EXOC4: variants seen among roughly 807,000 people sequenced by gnomAD.
EXOC4 encodes the protein exocyst complex component 4.
A neutral mutation model predicts 107.2 loss-of-function variants in EXOC4; 71 were observed. The ratio of observed to expected loss-of-function variants is 0.66; its 90% CI spans 0.55 to 0.81. The LOEUF is 0.81. Among genes scored for constraint, EXOC4 ranks in the 30% least tolerant of loss-of-function variants. EXOC4 has a pLI of 0.00. For missense variants in EXOC4, 1,108 were observed against 1,189.6 expected (o/e 0.93, Z 1.01); for synonymous variants, 456 against 441.2 (o/e 1.03, Z -0.42).
chr7:133,447,455 A>G (rs1798245359), intron 7 of EXOC4: 1 of 152,130 alleles, frequency 6.6e-6, no homozygotes, highest in African/African-American at 2.4e-5. Context: ...GAAAATACAG[A>G]AAAATGAAAG....
chr7:133,302,593 G>A (rs1794664253), intron 3 of EXOC4, among the ~76,000 whole-genome samples: 1 of 152,208 alleles, frequency 6.6e-6, no homozygotes, highest in Admixed American at 6.5e-5. Flanking sequence ...TGTTTGATTT[G>A]TGAATAGGGG....
chr7:133,889,175 G>A (rs990438888), intron 11 of EXOC4, among the ~76,000 whole-genome samples: 2 of 152,110 alleles, frequency 1.3e-5, no homozygotes, highest in African/African-American at 4.8e-5. Context: ...AAGCCTTGGA[G>A]TGATAAATCA....
Position 133,275,181 on chromosome 7 carries a change from C to T in EXOC4, c.276+10C>T, listed in dbSNP as rs569098389. The T allele has an allele frequency of 6.3e-7, 1 of 1,576,994 alleles. No homozygotes were observed. Among genetic ancestry groups the T allele is most frequent in the Admixed American group, 1.8e-5 (1 of 57,008 alleles). ...AAATAAAATAAAGCAGGTATTCCTCCTTTCTGGTCTGATGGTGGCAGCACT... is the reference window on the plus strand; with the variant it reads ...AAATAAAATAAAGCAGGTATTCCTCTTTTCTGGTCTGATGGTGGCAGCACT... On this transcript the variant is annotated intron_variant, in intron 2 of 17. Transcript: ENST00000253861.
intron 10 of EXOC4, among the ~76,000 whole-genome samples, chr7:133,714,130 A>T (rs1382762643): frequency 1.3e-5 from 2 of 151,974 alleles, no homozygotes; most frequent in Non-Finnish European, 1.5e-5. Context: ...GTTGGGAGAG[A>T]GTTTTTTCTG....
At chr7:133,887,264 T>C (rs927027113) in intron 11 of EXOC4, among the ~76,000 whole-genome samples, 1 of 152,214 alleles carries the variant, frequency 6.6e-6, no homozygotes, top group Non-Finnish European at 1.5e-5. Flanking sequence ...ATGCAAGGTG[T>C]CTGTGTCTAA....
chr7:133,344,992 A>T (rs1192066466), intron 5 of EXOC4, among the ~76,000 whole-genome samples: 1 of 152,118 alleles, frequency 6.6e-6, no homozygotes, highest in Non-Finnish European at 1.5e-5. Flanking sequence ...TCCCGAGGAC[A>T]TGGTTTTTGT....
chr7:133,330,796 G>C (rs919091053), intron 5 of EXOC4, among the ~76,000 whole-genome samples: 2 of 152,040 alleles, frequency 1.3e-5, no homozygotes, highest in Non-Finnish European at 2.9e-5. Flanking sequence ...TGTCCAACCA[G>C]TCCCAGTGAG....
intron 10 of EXOC4, among the ~76,000 whole-genome samples, chr7:133,649,130 C>T (rs1352461633): frequency 6.6e-6 from 1 of 152,144 alleles, no homozygotes; most frequent in Non-Finnish European, 1.5e-5. Context: ...AGTGCCCCCT[C>T]CTCTTTTAAA....
intron 8 of EXOC4, among the ~76,000 whole-genome samples, chr7:133,477,399 A>G (rs1209662318): frequency 1.3e-5 from 2 of 152,204 alleles, no homozygotes; most frequent in Admixed American, 6.5e-5. Context: ...TTGTATAGTC[A>G]GAATCAGTGT....
At chr7:133,947,578 A>G (rs1225019474) in intron 14 of EXOC4, among the ~76,000 whole-genome samples, 1 of 152,174 alleles carries the variant, frequency 6.6e-6, no homozygotes, top group African/African-American at 2.4e-5. Flanking sequence ...AAACCCAACC[A>G]CAATTCCCTC....
chr7:133,323,105 T>A (rs1244318258), intron 5 of EXOC4, among the ~76,000 whole-genome samples: 3 of 152,118 alleles, frequency 2.0e-5, no homozygotes, highest in African/African-American at 7.3e-5. Flanking sequence ...CTTAAGGAGA[T>A]CTTGGGCTGA....
rs1554477961 is a variant in EXOC4, at chr7:133,604,706, C to CTTTTTTTTTTTTTT, written c.1418-25336_1418-25335insTTTTTTTTTTTTTT. Among the ~76,000 whole-genome samples the CTTTTTTTTTTTTTT allele has an allele frequency of 5.2e-3, 457 of 87,422 alleles. 67 individuals are homozygous for CTTTTTTTTTTTTTT. The highest frequency in any genetic ancestry group is 0.014 in the Middle Eastern group (2 of 138). 57.4% of individuals were successfully genotyped at this position (87,422 alleles called of 152,430 possible). ...TTTTTCTTTCCTTCCTTCCTTCCTTCTTTCTTTTTTTTTTTTTTTTTTTTT... is the reference window on the plus strand; with the variant it reads ...TTTTTCTTTCCTTCCTTCCTTCCTTCTTTTTTTTTTTTTTTTTCTTTTTTTTTTTTTTTTTTTTT... On this transcript the variant is annotated intron_variant, in intron 9 of 17. Coordinates refer to ENST00000253861, the MANE Select transcript of EXOC4 (RefSeq NM_021807.4).
downstream of EXOC4, among the ~76,000 whole-genome samples, chr7:134,069,174 G>A (rs907813596): frequency 2.0e-5 from 3 of 151,956 alleles, no homozygotes; most frequent in Non-Finnish European, 4.4e-5. Flanking sequence ...TGCCCCACTA[G>A]CTAGCACACC....
the EXOC4 span, among the ~76,000 whole-genome samples, chr7:134,071,787 A>G: frequency 1.3e-5 from 2 of 152,150 alleles, no homozygotes; most frequent in African/African-American, 4.8e-5. Context: ...GATGGAGTCA[A>G]CTATGCTAGA....
intron 11 of EXOC4, among the ~76,000 whole-genome samples, chr7:133,883,394 C>G (rs1799007843): frequency 6.8e-6 from 1 of 147,160 alleles, no homozygotes; most frequent in African/African-American, 2.5e-5. Context: ...GTAATACCAG[C>G]ATTTTGGGAG....
chr7:134,022,201 T>C (rs554235552), intron 17 of EXOC4, among the ~76,000 whole-genome samples: 1 of 152,264 alleles, frequency 6.6e-6, no homozygotes, highest in African/African-American at 2.4e-5. Context: ...TTTTGTTAAC[T>C]TTAATTATAC....
At chr7:133,541,320 A>T (rs1329873927) in intron 9 of EXOC4, among the ~76,000 whole-genome samples, 2 of 152,068 alleles carry the variant, frequency 1.3e-5, no homozygotes, top group African/African-American at 4.8e-5. Context: ...GGTCACTGTT[A>T]CCTCTCCATT....
At chr7:133,710,388 C>T (rs552502809) in intron 10 of EXOC4, among the ~76,000 whole-genome samples, 4 of 152,070 alleles carry the variant, frequency 2.6e-5, no homozygotes, top group Admixed American at 6.5e-5. Flanking sequence ...CGGCCGGGCG[C>T]GGTGGCTCAC....
At chr7:133,760,472 A>G (rs1331474570) in intron 10 of EXOC4, among the ~76,000 whole-genome samples, 2 of 152,134 alleles carry the variant, frequency 1.3e-5, no homozygotes, top group East Asian at 1.9e-4. Context: ...TATAAAATCA[A>G]CTTTTCCCCT....
Sources: allele counts gnomAD v4.1 joint callset (sites outside exome capture counted in the v4.1 genomes callset), GRCh38; gene constraint gnomAD v4.1.1; transcripts MANE v1.5; gene names NCBI Gene and HGNC (gene_info 2026-07-23, HGNC 2026-07-21).